The following NETO1 variants were observed in gnomAD, a reference collection of about 807,000 sequenced individuals.
NETO1 encodes the protein neuropilin and tolloid like 1.
A neutral mutation model predicts 61.3 loss-of-function variants in NETO1; 26 were observed. That is an observed-to-expected ratio of 0.42 (90% CI 0.31 to 0.59). The LOEUF (loss-of-function observed/expected upper bound fraction) is 0.59. Ranked by LOEUF, NETO1 falls within the 20% of genes least tolerant of loss-of-function variation. NETO1 has a pLI of 0.12. For missense variants in NETO1, 531 were observed against 662.8 expected, an observed-to-expected ratio of 0.80 and a Z score of 2.18; for synonymous variants, 225 against 225.8, an observed-to-expected ratio of 1.00 and a Z score of 0.03.
chr18:72,844,849 G>A (rs1329343186), intron 4 of NETO1, among the ~76,000 whole-genome samples: 1 of 152,192 alleles, frequency 6.6e-6, no homozygotes, highest in Non-Finnish European at 1.5e-5. Context: ...CTTCACAAGG[G>A]TGTGATGGAG....
intron 4 of NETO1, among the ~76,000 whole-genome samples, chr18:72,846,504 C>CAAAAAAAAAAAAAAAAAAAAA (rs35252443): frequency 2.3e-4 from 3 of 13,002 alleles, no homozygotes; most frequent in African/African-American, 6.1e-4. Context: ...GACTTCATCT[C>CAAAAAAAAAAAAAAAAAAAAA]AAAAAAAAAA....
chr18:72,785,739 T>A (rs1021716858), intron 6 of NETO1, among the ~76,000 whole-genome samples: 1 of 152,184 alleles, frequency 6.6e-6, no homozygotes, highest in Non-Finnish European at 1.5e-5. Flanking sequence ...ATCCTTCTTA[T>A]CTCCCAACAT....
At chr18:72,766,242 G>A (rs866089721) in intron 7 of NETO1, among the ~76,000 whole-genome samples, 1 of 151,146 alleles carries the variant, frequency 6.6e-6, no homozygotes, top group Admixed American at 6.6e-5. Flanking sequence ...GTGTGTGTGT[G>A]TGTGTGTGTG....
chr18:72,791,283 T>A lies in NETO1; in HGVS notation c.639+2834A>T, dbSNP rs1052394805. On this transcript the variant is annotated intron_variant, in intron 6 of 10. Coordinates refer to ENST00000327305, the MANE Select transcript of NETO1 (RefSeq NM_138966.5). ...TAGAGCCAAGTAAGCTATTCAGCAC[T>A]TTCTTTGTGCAATATGGTTCAGTCA... Among the ~76,000 whole-genome samples, 10 of 152,358 alleles carry A rather than the reference T, an allele frequency of 6.6e-5. No homozygotes were observed. In the South Asian group the frequency reaches 2.1e-3, roughly 32 times the overall value.
intron 4 of NETO1, among the ~76,000 whole-genome samples, chr18:72,795,817 C>CAATA (rs568020597): frequency 1.4e-3 from 213 of 152,298 alleles, no homozygotes; most frequent in African/African-American, 5.0e-3. Context: ...TTGTTATTAA[C>CAATA]TACAGCTACC....
intron 4 of NETO1, among the ~76,000 whole-genome samples, chr18:72,833,684 G>C (rs1473262982): frequency 2.0e-5 from 3 of 152,112 alleles, no homozygotes; most frequent in African/African-American, 7.2e-5. Context: ...AGTGGGGTGA[G>C]AACCAGAAGA....
intron 3 of NETO1, among the ~76,000 whole-genome samples, chr18:72,863,331 A>G (rs1377561360): frequency 6.6e-6 from 1 of 152,184 alleles, no homozygotes; most frequent in Non-Finnish European, 1.5e-5. Context: ...CATTCTTCAG[A>G]AATGAAGGTG....
intron 7 of NETO1, among the ~76,000 whole-genome samples, chr18:72,769,827 A>G (rs561955462): frequency 1.3e-5 from 2 of 152,230 alleles, no homozygotes; most frequent in Admixed American, 1.3e-4. Flanking sequence ...CTTAATAAAG[A>G]GTATATGTAC....
intron 4 of NETO1, among the ~76,000 whole-genome samples, chr18:72,829,987 C>T (rs2073520397): frequency 6.6e-6 from 1 of 152,204 alleles, no homozygotes; most frequent in Admixed American, 6.5e-5. Context: ...ACTTCACTCA[C>T]AAAAAGAGAC....
intron 4 of NETO1, among the ~76,000 whole-genome samples, chr18:72,824,743 G>T (rs1360299154): frequency 6.6e-6 from 1 of 151,546 alleles, no homozygotes; most frequent in Non-Finnish European, 1.5e-5. Flanking sequence ...GCCAGTCATG[G>T]TGGTGCATGC....
chr18:72,773,676 C>A (rs116370836), intron 7 of NETO1, among the ~76,000 whole-genome samples: 1,964 of 152,204 alleles, frequency 0.013, 45 homozygotes, highest in African/African-American at 0.045. Flanking sequence ...GGCATGCATT[C>A]TCTCTCCTGC....
intron 1 of NETO1, chr18:72,866,783 G>A (rs750504511): frequency 5.5e-5 from 55 of 994,512 alleles, no homozygotes; most frequent in Non-Finnish European, 6.5e-5. Context: ...GGCGGAAAGG[G>A]GTGGAAGCTG....
At chr18:72,857,150 C>G (rs1343091653) in intron 4 of NETO1, among the ~76,000 whole-genome samples, 4 of 152,134 alleles carry the variant, frequency 2.6e-5, no homozygotes, top group Non-Finnish European at 5.9e-5. Context: ...GTAGGTTTCC[C>G]CAGAAGTTTT....
At chr18:72,826,592 T>C (rs2073381024) in intron 4 of NETO1, among the ~76,000 whole-genome samples, 2 of 152,216 alleles carry the variant, frequency 1.3e-5, no homozygotes, top group Non-Finnish European at 2.9e-5. Flanking sequence ...GATTTCTGTA[T>C]TTCCTTTTAA....
intron 4 of NETO1, among the ~76,000 whole-genome samples, chr18:72,795,256 A>C (rs1055732310): frequency 6.6e-6 from 1 of 152,224 alleles, no homozygotes; most frequent in African/African-American, 2.4e-5. Context: ...AGAGCTTCTG[A>C]GAAAGTTTTC....
intron 4 of NETO1, chr18:72,835,211 A>T (rs1413265534): frequency 1.4e-6 from 2 of 1,412,662 alleles, no homozygotes; most frequent in Admixed American, 4.1e-5. Flanking sequence ...GTGCTTCAAG[A>T]TGGTGTTAGA....
intron 9 of NETO1, among the ~76,000 whole-genome samples, chr18:72,749,292 T>C (rs2070512235): frequency 6.6e-6 from 1 of 152,158 alleles, no homozygotes; most frequent in Non-Finnish European, 1.5e-5. Flanking sequence ...ATTTATAAAA[T>C]AAACTAAATG....
intron 4 of NETO1, among the ~76,000 whole-genome samples, chr18:72,852,300 C>T (rs984114981): frequency 1.3e-5 from 2 of 151,800 alleles, no homozygotes; most frequent in African/African-American, 4.8e-5. Flanking sequence ...CTGCAACCTC[C>T]GCCTCCTGGG....
At chr18:72,816,129 T>C (rs2073026568) in intron 4 of NETO1, among the ~76,000 whole-genome samples, 1 of 151,236 alleles carries the variant, frequency 6.6e-6, no homozygotes, top group Admixed American at 6.6e-5. Context: ...TCTCTATCTC[T>C]CCAGCCTGGA....
Sources: allele counts gnomAD v4.1 joint callset (sites outside exome capture counted in the v4.1 genomes callset), GRCh38; gene constraint gnomAD v4.1.1; transcripts MANE v1.5; gene names NCBI Gene and HGNC (gene_info 2026-07-23, HGNC 2026-07-21).